PCDHA2: variants seen among roughly 807,000 people sequenced by gnomAD.
PCDHA2 encodes protocadherin alpha-2.
In PCDHA2, 58 loss-of-function variants were observed where a neutral mutation model predicts 66.0. The observed-to-expected ratio is 0.88, with a 90% CI of 0.71 to 1.09. PCDHA2 has a LOEUF of 1.09. Ranked by LOEUF, PCDHA2 falls within the 50% of genes least tolerant of loss-of-function variation. The pLI, the probability that PCDHA2 is intolerant of heterozygous loss-of-function variation, is 0.00. For missense variants in PCDHA2, 1,267 were observed against 1,242.3 expected (o/e 1.02, Z -0.30); for synonymous variants, 634 against 554.0 (o/e 1.14, Z -2.03).
intron 1 of PCDHA2, chr5:140,967,239 G>A: frequency 1.9e-6 from 3 of 1,613,672 alleles, no homozygotes; most frequent in Non-Finnish European, 2.5e-6. Context: ...CTTCAGGTAA[G>A]CGAATCGGTG....
intron 1 of PCDHA2, among the ~76,000 whole-genome samples, chr5:140,952,816 C>T (rs2094802630): frequency 6.6e-6 from 1 of 152,134 alleles, no homozygotes; most frequent in South Asian, 2.1e-4. Context: ...GCAGGCTGTA[C>T]AGGAAGCATG....
Position 140,927,871 on chromosome 5 carries a change from C to T in PCDHA2, c.2389-51078C>T, listed in dbSNP as rs376396178. The T allele has an allele frequency of 5.6e-6, 9 of 1,614,048 alleles. No individual in the cohort carries two copies. In the African/African-American group the frequency reaches 1.2e-4, roughly 22 times the overall value. ...TGGTTTAGCTAGCACCGCTAAACTG[C>T]TGGTGGAGGTGACTGACGTGAACGA... On this transcript the variant is annotated intron_variant, in intron 1 of 3. Coordinates refer to ENST00000526136, the MANE Select transcript of PCDHA2 (RefSeq NM_018905.3).
chr5:140,808,011 G>A (rs1764081546), intron 1 of PCDHA2: 1 of 1,613,630 alleles, frequency 6.2e-7, no homozygotes, highest in Non-Finnish European at 8.5e-7. Context: ...GGATTGAATG[G>A]GGACATTGTT....
intron 1 of PCDHA2, chr5:140,836,852 AT>A: frequency 2.5e-6 from 2 of 810,938 alleles, no homozygotes; most frequent in Non-Finnish European, 3.8e-6. Flanking sequence ...TATAATTATT[AT>A]TTTTTAATGT....
chr5:140,954,610 A>T (rs1464657596), intron 1 of PCDHA2, among the ~76,000 whole-genome samples: 1 of 151,962 alleles, frequency 6.6e-6, no homozygotes, highest in East Asian at 1.9e-4. Flanking sequence ...CCACTTTTTA[A>T]TGGGCTTGTT....
intron 1 of PCDHA2, chr5:140,803,449 C>G: frequency 6.2e-7 from 1 of 1,614,208 alleles, no homozygotes; most frequent in Non-Finnish European, 8.5e-7. Flanking sequence ...TGGTCATACT[C>G]GCAGCAGAGG....
At chr5:140,879,180 G>C (rs1459369751) in intron 1 of PCDHA2, among the ~76,000 whole-genome samples, 14 of 152,206 alleles carry the variant, frequency 9.2e-5, no homozygotes, top group African/African-American at 3.4e-4. Context: ...TAGGTATCAA[G>C]TAATGGAGAC....
At chr5:140,943,257 CAA>C (rs1238620023) in intron 1 of PCDHA2, among the ~76,000 whole-genome samples, 5 of 77,564 alleles carry the variant, frequency 6.4e-5, no homozygotes, top group Non-Finnish European at 2.5e-5. Flanking sequence ...GACTCTGTCT[CAA>C]AAAAAAAAAA....
In PCDHA2 at chr5:140,876,730, G is replaced by A. The variant is rs1338047769; in HGVS notation, c.2388+79378G>A. ...CGCCCTGGACCGCGAGAGCGTGTCG[G>A]CCTATGAGCTGGTGGTGACTGCGCG... On this transcript the variant is annotated intron_variant, in intron 1 of 3. Transcript: ENST00000526136. 1.2e-6 allele frequency: 2 copies of A among 1,614,254 alleles called. No individual in the cohort carries two copies. The highest frequency in any genetic ancestry group is 1.7e-6 in the Non-Finnish European group (2 of 1,180,050).
intron 2 of PCDHA2, among the ~76,000 whole-genome samples, chr5:140,982,129 A>G (rs2153827592): frequency 6.6e-6 from 1 of 152,376 alleles, no homozygotes; most frequent in East Asian, 1.9e-4. Context: ...TTTGAGAACA[A>G]GCCCTCCTCA....
At chr5:140,850,389 A>T in intron 1 of PCDHA2, 1 of 1,597,864 alleles carries the variant, frequency 6.3e-7, no homozygotes, top group South Asian at 1.1e-5. Context: ...GGGCGAGATC[A>T]GCACAACGCG....
intron 1 of PCDHA2, chr5:140,861,479 T>C: frequency 2.0e-6 from 1 of 490,568 alleles, no homozygotes; most frequent in Non-Finnish European, 4.2e-6. Context: ...AGAATGGCAT[T>C]TTTGTGAGTT....
intron 1 of PCDHA2, chr5:140,857,907 C>G (rs1250345336): frequency 1.3e-6 from 2 of 1,597,680 alleles, no homozygotes. Flanking sequence ...GCACGCATCC[C>G]GTTTCGCGTG....
chr5:140,799,800 G>T (rs1462237906), intron 1 of PCDHA2, among the ~76,000 whole-genome samples: 1 of 152,002 alleles, frequency 6.6e-6, no homozygotes, highest in Non-Finnish European at 1.5e-5. Flanking sequence ...TCACATGTTT[G>T]ATTTCATTTT....
intron 1 of PCDHA2, among the ~76,000 whole-genome samples, chr5:140,959,306 T>C (rs1554224009): frequency 6.6e-6 from 1 of 152,072 alleles, no homozygotes. Flanking sequence ...AGCCCGGTGG[T>C]TGAAGCTGCA....
chr5:140,987,407 T>C (rs1301920693), intron 3 of PCDHA2, among the ~76,000 whole-genome samples: 3 of 152,148 alleles, frequency 2.0e-5, no homozygotes, highest in Non-Finnish European at 4.4e-5. Flanking sequence ...CATCTGTTTA[T>C]GGTTCTTGTG....
intron 1 of PCDHA2, chr5:140,804,899 T>G: frequency 1.3e-6 from 1 of 770,384 alleles, no homozygotes; most frequent in Non-Finnish European, 1.9e-6. Context: ...TCCCCTCACT[T>G]CCATTTTCTT....
chr5:140,883,453 C>A lies in PCDHA2; in HGVS notation c.2388+86101C>A, dbSNP rs138388360. The stretch of plus-strand genomic sequence containing the variant: ...GCACCTTGACGCCGCATGTCCCCTT[C>A]AAGCTGGTGTCCACCTACAAGAACT... On this transcript the variant is annotated intron_variant, in intron 1 of 3. Transcript: ENST00000526136. 3.2e-5 allele frequency: 51 copies of A among 1,614,168 alleles called. No individual in the cohort carries two copies. In the East Asian group the frequency reaches 1.1e-3, roughly 35 times the overall value.
At chr5:140,828,289 G>A in intron 1 of PCDHA2, 1 of 1,614,116 alleles carries the variant, frequency 6.2e-7, no homozygotes, top group Non-Finnish European at 8.5e-7. Flanking sequence ...TGTTCAGGAT[G>A]GCCTCCAAAG....
Sources: gnomAD v4.1 joint callset for allele counts (sites outside exome capture counted in the v4.1 genomes callset) on GRCh38, gnomAD v4.1.1 for gene constraint, MANE v1.5 for transcripts, NCBI Gene and HGNC (gene_info 2026-07-23, HGNC 2026-07-21) for gene names.